Variants in KCNJ6 observed in about 807,000 individuals in gnomAD.
KCNJ6 encodes potassium inwardly rectifying channel subfamily J member 6, also known as G protein-activated inward rectifier potassium channel 2.
Under a neutral mutation model 34.2 loss-of-function variants are expected in KCNJ6, and 9 were observed. The ratio of observed to expected loss-of-function variants is 0.26; its 90% confidence interval spans 0.16 to 0.46. The LOEUF is 0.46. Among genes scored for constraint, KCNJ6 ranks in the 20% least tolerant of loss-of-function variants. The pLI, the probability that KCNJ6 is intolerant of heterozygous loss-of-function variation, is 1.00. For missense variants in KCNJ6, 236 were observed against 531.3 expected (o/e 0.44, Z 5.46); for synonymous variants, 196 against 207.1 (o/e 0.95, Z 0.46).
chr21:37,870,300 A>G (rs990322296), intron 1 of KCNJ6, among the ~76,000 whole-genome samples: 1 of 150,446 alleles, frequency 6.6e-6, no homozygotes, highest in African/African-American at 2.4e-5. Flanking sequence ...AGATAAATTA[A>G]AGATCTGAAA....
Position 37,840,613 on chromosome 21 carries a change from T to C in KCNJ6, c.25+45A>G, listed in dbSNP as rs1356043183. 3 of 1,423,828 alleles carry C rather than the reference T, an allele frequency of 2.1e-6. No homozygotes were observed. In the East Asian group the frequency reaches 6.9e-5, roughly 33 times the overall value. The allele number at this position is 1,423,828 out of a possible 1,614,324, so 88.2% of individuals were successfully genotyped here. A position where few individuals can be genotyped will look rare whatever the true frequency, so the allele number is the denominator to read the frequency against. On this transcript the variant is annotated intron_variant, in intron 2 of 3. Coordinates refer to ENST00000609713, the MANE Select transcript of KCNJ6 (RefSeq NM_002240.5). ...GTCTTTTTTGTGCGATTTTGCATTT[T>C]CCCATTCAAAACAAAAAATAAATAA...
intron 2 of KCNJ6, among the ~76,000 whole-genome samples, chr21:37,816,314 G>T (rs1339934805): frequency 6.6e-6 from 1 of 152,198 alleles, no homozygotes; most frequent in Non-Finnish European, 1.5e-5. Flanking sequence ...AAAATCCCTA[G>T]TAGGGCATCT....
chr21:37,655,220 TGTGTGAGAGAGAGAGAGAGAGAGAGA>T (rs2054455774), intron 3 of KCNJ6, among the ~76,000 whole-genome samples: 1 of 8,914 alleles, frequency 1.1e-4, no homozygotes, highest in Non-Finnish European at 4.8e-4. Flanking sequence ...TGTGTGTGTG[TGTGTGAGAGAGAGAGAGAGAGAGAGA>T]GAGAGAGAGA....
intron 1 of KCNJ6, among the ~76,000 whole-genome samples, chr21:37,911,634 C>CTCA (rs1482937990): frequency 6.6e-6 from 1 of 152,140 alleles, no homozygotes; most frequent in Non-Finnish European, 1.5e-5. Context: ...GCCTTTTCCC[C>CTCA]TCACTTTCTT....
At chr21:37,795,782 A>AT (rs1407977409) in intron 2 of KCNJ6, among the ~76,000 whole-genome samples, 6 of 151,630 alleles carry the variant, frequency 4.0e-5, no homozygotes, top group Non-Finnish European at 8.8e-5. Context: ...ATGCAACCAC[A>AT]TTTTTTCTGA....
chr21:37,906,023 C>A (rs2055839876), intron 1 of KCNJ6, among the ~76,000 whole-genome samples: 2 of 152,186 alleles, frequency 1.3e-5, no homozygotes. Flanking sequence ...CTCAAGAGTA[C>A]AACATTCTTA....
Position 37,732,886 on chromosome 21 carries a change from C to T in KCNJ6, c.26-17755G>A, listed in dbSNP as rs141659948. ...CACATAGTTGAGGGTTAAGAACAAA[C>T]TGATCCCCACAACTCAACACCTGTT... is the stretch of plus-strand genomic sequence containing the variant. On this transcript the variant is annotated intron_variant, in intron 2 of 3. Coordinates refer to ENST00000609713, the MANE Select transcript of KCNJ6 (RefSeq NM_002240.5). Among the ~76,000 whole-genome samples the T allele has an allele frequency of 4.4e-3, 667 of 152,298 alleles. 1 individual carries two copies. Among genetic ancestry groups the T allele is most frequent in the Middle Eastern group, 0.017 (5 of 294 alleles).
At chr21:37,764,843 T>G (rs1008081529) in intron 2 of KCNJ6, among the ~76,000 whole-genome samples, 2 of 152,154 alleles carry the variant, frequency 1.3e-5, no homozygotes, top group African/African-American at 2.4e-5. Flanking sequence ...GGGTGGTTGA[T>G]GGGGGAGATG....
intron 3 of KCNJ6, among the ~76,000 whole-genome samples, chr21:37,658,744 C>G (rs1339893410): frequency 6.6e-6 from 1 of 152,190 alleles, no homozygotes; most frequent in Non-Finnish European, 1.5e-5. Flanking sequence ...AGAGGGCGTT[C>G]CTCACTCCTC....
At chr21:37,911,462 T>A (rs2055866875) in intron 1 of KCNJ6, among the ~76,000 whole-genome samples, 1 of 152,136 alleles carries the variant, frequency 6.6e-6, no homozygotes, top group Non-Finnish European at 1.5e-5. Flanking sequence ...GAAGATAAAA[T>A]GAAGAAACAA....
chr21:37,723,323 G>A (rs1427744641), intron 2 of KCNJ6, among the ~76,000 whole-genome samples: 10 of 152,206 alleles, frequency 6.6e-5, no homozygotes, highest in Admixed American at 3.3e-4. Context: ...TATACTGTTG[G>A]TGGAAATATA....
chr21:37,781,583 T>C (rs1360442257), intron 2 of KCNJ6, among the ~76,000 whole-genome samples: 3 of 152,196 alleles, frequency 2.0e-5, no homozygotes, highest in Non-Finnish European at 4.4e-5. Flanking sequence ...AACATGCCTC[T>C]AAAGTATACC....
intron 2 of KCNJ6, among the ~76,000 whole-genome samples, chr21:37,761,639 TTGTG>T (rs747378715): frequency 1.2e-4 from 18 of 150,730 alleles, no homozygotes; most frequent in East Asian, 5.8e-4. Context: ...GTGTGTTGTG[TTGTG>T]TGTGTATATT....
intron 1 of KCNJ6, among the ~76,000 whole-genome samples, chr21:37,909,283 T>C (rs1039944976): frequency 6.6e-6 from 1 of 152,208 alleles, no homozygotes; most frequent in Non-Finnish European, 1.5e-5. Context: ...CATCAAGAAC[T>C]GAAGTTAATG....
chr21:37,746,956 C>T (rs991045744), intron 2 of KCNJ6, among the ~76,000 whole-genome samples: 2 of 152,170 alleles, frequency 1.3e-5, no homozygotes, highest in African/African-American at 4.8e-5. Context: ...GCCTTATATT[C>T]GCTGATATTT....
At chr21:37,880,637 T>C (rs990444155) in intron 1 of KCNJ6, among the ~76,000 whole-genome samples, 2 of 152,224 alleles carry the variant, frequency 1.3e-5, no homozygotes, top group African/African-American at 4.8e-5. Flanking sequence ...TTTTCTGTTA[T>C]TGCATTTTCT....
intron 2 of KCNJ6, among the ~76,000 whole-genome samples, chr21:37,726,145 AT>A (rs1023905794): frequency 6.6e-6 from 1 of 152,092 alleles, no homozygotes; most frequent in African/African-American, 2.4e-5. Flanking sequence ...ACCTCAGGTG[AT>A]CCACCCCCCT....
At chr21:37,700,652 C>A (rs1407426034) in intron 3 of KCNJ6, among the ~76,000 whole-genome samples, 1 of 152,122 alleles carries the variant, frequency 6.6e-6, no homozygotes, top group Non-Finnish European at 1.5e-5. Context: ...TGAACCAGGG[C>A]AGCGGCCAAG....
intron 1 of KCNJ6, among the ~76,000 whole-genome samples, chr21:37,912,869 G>A (rs1430208592): frequency 6.6e-6 from 1 of 152,142 alleles, no homozygotes; most frequent in Admixed American, 6.5e-5. Flanking sequence ...AGCCCAGCAA[G>A]GAAAACCAGG....
Sources: allele counts gnomAD v4.1 joint callset (sites outside exome capture counted in the v4.1 genomes callset), GRCh38; gene constraint gnomAD v4.1.1; transcripts MANE v1.5; gene names NCBI Gene and HGNC (gene_info 2026-07-23, HGNC 2026-07-21).